Variants in ENOX1 observed in about 807,000 individuals in gnomAD.
ENOX1 encodes ecto-NOX disulfide-thiol exchanger 1.
A neutral mutation model predicts 82.5 loss-of-function variants in ENOX1; 42 were observed. That is an observed-to-expected ratio of 0.51 (90% CI 0.40 to 0.66). ENOX1 has a LOEUF of 0.66. Ranked by LOEUF, ENOX1 falls within the 30% of genes least tolerant of loss-of-function variation. ENOX1 has a pLI of 0.00. For synonymous variants in ENOX1, 271 were observed against 282.2 expected (o/e 0.96, Z 0.40); for missense variants, 608 against 811.6 (o/e 0.75, Z 3.05).
Position 43,342,207 on chromosome 13 carries a change from T to C in ENOX1, c.1036+2331A>G, listed in dbSNP as rs74949312. On this transcript the variant is annotated intron_variant, in intron 9 of 16. Coordinates refer to ENST00000690772, the MANE Select transcript of ENOX1 (RefSeq NM_001347969.2). ...TTGGCAGAATTTTCTGTTACTCACA[T>C]GTGGATGCCGTGTCTAACTGACACA... Among the ~76,000 whole-genome samples the C allele has an allele frequency of 2.8e-3, 433 of 152,264 alleles. 2 individuals are homozygous for C. Among genetic ancestry groups the C allele is most frequent in the African/African-American group, 9.8e-3 (407 of 41,552 alleles).
chr13:43,637,088 T>C (rs1201283934), intron 2 of ENOX1, among the ~76,000 whole-genome samples: 2 of 152,072 alleles, frequency 1.3e-5, no homozygotes, highest in Admixed American at 6.5e-5. Context: ...ACAAATGGAG[T>C]AGAACCACAT....
chr13:43,265,267 C>A (rs1228709818), intron 14 of ENOX1, 131 bp downstream of exon 14: 1 of 688,988 alleles, frequency 1.5e-6, no homozygotes, highest in Admixed American at 2.7e-5. Flanking sequence ...CTTGCCAAAC[C>A]CATATATTAA....
At chr13:43,313,227 G>A (rs1260516960) in intron 11 of ENOX1, among the ~76,000 whole-genome samples, 1 of 151,950 alleles carries the variant, frequency 6.6e-6, no homozygotes, top group African/African-American at 2.4e-5. Context: ...ATTTCTGCCT[G>A]GTTTAGAACT....
At chr13:43,513,225 C>G (rs1157172694) in intron 2 of ENOX1, among the ~76,000 whole-genome samples, 1 of 152,164 alleles carries the variant, frequency 6.6e-6, no homozygotes, top group Non-Finnish European at 1.5e-5. Flanking sequence ...AGTAGAATGG[C>G]TCGAACCCAT....
chr13:43,638,799 A>G (rs1405380903), intron 2 of ENOX1, among the ~76,000 whole-genome samples: 2 of 152,242 alleles, frequency 1.3e-5, no homozygotes, highest in African/African-American at 4.8e-5. Context: ...GATGCTATGC[A>G]TGTGTAATAT....
At chr13:43,268,832 T>C (rs1250907158) in intron 13 of ENOX1, among the ~76,000 whole-genome samples, 1 of 152,224 alleles carries the variant, frequency 6.6e-6, no homozygotes, top group Non-Finnish European at 1.5e-5. Context: ...AGAGCTCTCC[T>C]GGCTCCTCTC....
At position 43,684,798 on chromosome 13, in the gene ENOX1, T is replaced by C. The variant is rs530417081; in HGVS notation, c.-284-17254A>G. On this transcript the variant is annotated intron_variant, in intron 1 of 16. Transcript: ENST00000690772. The stretch of plus-strand genomic sequence containing the variant: ...TCTGCATAGTAGCCATAGTCAACCA[T>C]AGACAGCGAAAGTTGTGTCTCTTTA... Among the ~76,000 whole-genome samples the C allele has an allele frequency of 6.6e-5, 10 of 152,274 alleles. No homozygotes were observed. In the East Asian group the frequency reaches 1.2e-3, roughly 18 times the overall value.
intron 5 of ENOX1, among the ~76,000 whole-genome samples, chr13:43,389,203 T>C (rs1309632774): frequency 6.6e-6 from 1 of 152,208 alleles, no homozygotes; most frequent in African/African-American, 2.4e-5. Flanking sequence ...ATGTCATCTG[T>C]TGACCTGGCA....
chr13:43,510,953 G>A (rs956540747), intron 2 of ENOX1, among the ~76,000 whole-genome samples: 4 of 152,026 alleles, frequency 2.6e-5, no homozygotes, highest in Admixed American at 2.6e-4. Flanking sequence ...AAAAATATAA[G>A]GAAATTCAGC....
At chr13:43,588,240 C>T (rs904430874) in intron 2 of ENOX1, among the ~76,000 whole-genome samples, 1 of 152,092 alleles carries the variant, frequency 6.6e-6, no homozygotes, top group African/African-American at 2.4e-5. Flanking sequence ...ACTTTCATGA[C>T]AGATTGAACA....
chr13:43,543,316 T>G (rs1372572815), intron 2 of ENOX1, among the ~76,000 whole-genome samples: 2 of 152,128 alleles, frequency 1.3e-5, no homozygotes, highest in Non-Finnish European at 2.9e-5. Context: ...TATTAGTGAA[T>G]GGATCAGAAA....
chr13:43,359,565 T>C (rs990808590), intron 7 of ENOX1, among the ~76,000 whole-genome samples: 2 of 152,244 alleles, frequency 1.3e-5, no homozygotes, highest in Non-Finnish European at 2.9e-5. Context: ...TAATGGTCCT[T>C]AGTACTCATA....
At chr13:43,425,726 A>G (rs1420925481) in intron 3 of ENOX1, among the ~76,000 whole-genome samples, 2 of 152,228 alleles carry the variant, frequency 1.3e-5, no homozygotes, top group Non-Finnish European at 2.9e-5. Context: ...AAAGCACACT[A>G]TCTAAAACAA....
rs548717469 is a variant in ENOX1 at position 43,648,505 on chromosome 13, C to A, written c.-219+18974G>T. On this transcript the variant is annotated intron_variant, in intron 2 of 16. Coordinates refer to ENST00000690772, the MANE Select transcript of ENOX1 (RefSeq NM_001347969.2). ...AACACAGAGGGCAGAGCTGGGGAAA[C>A]AGAAACCCCAGATTTGGGTGGATGG... Among the ~76,000 whole-genome samples the A allele has an allele frequency of 2.4e-3, 364 of 152,270 alleles. 1 individual carries two copies. Among genetic ancestry groups the A allele is most frequent in the Non-Finnish European group, 3.8e-3 (260 of 68,020 alleles).
At chr13:43,296,724 G>A (rs1566448050) in intron 12 of ENOX1, among the ~76,000 whole-genome samples, 1 of 152,150 alleles carries the variant, frequency 6.6e-6, no homozygotes, top group Non-Finnish European at 1.5e-5. Context: ...CCCTGACTGA[G>A]CAGCTCACCC....
At chr13:43,321,247 C>A (rs185353477) in intron 11 of ENOX1, 460 of 425,296 alleles carry the variant, frequency 1.1e-3, no homozygotes, top group Admixed American at 1.8e-3. Flanking sequence ...AGCCACTAGA[C>A]GTTTTTGATT....
At chr13:43,425,665 G>A (rs980884860) in intron 3 of ENOX1, among the ~76,000 whole-genome samples, 2 of 152,124 alleles carry the variant, frequency 1.3e-5, no homozygotes, top group Admixed American at 1.3e-4. Flanking sequence ...GAGGCATAAG[G>A]TCTACAATAA....
At chr13:43,462,496 C>T (rs1266279690) in intron 3 of ENOX1, among the ~76,000 whole-genome samples, 1 of 152,012 alleles carries the variant, frequency 6.6e-6, no homozygotes, top group African/African-American at 2.4e-5. Flanking sequence ...TTACAGCTGG[C>T]AAAAAAATCT....
intron 12 of ENOX1, among the ~76,000 whole-genome samples, chr13:43,276,455 G>C (rs2153487063): frequency 6.6e-6 from 1 of 152,146 alleles, no homozygotes; most frequent in African/African-American, 2.4e-5. Flanking sequence ...CCTTTCTCTT[G>C]GTGGGATCCT....
Sources: gnomAD v4.1 joint callset for allele counts (sites outside exome capture counted in the v4.1 genomes callset) on GRCh38, gnomAD v4.1.1 for gene constraint, MANE v1.5 for transcripts, NCBI Gene and HGNC (gene_info 2026-07-23, HGNC 2026-07-21) for gene names.